The following ZNF618 variants were observed in gnomAD, a reference collection of about 807,000 sequenced individuals.
ZNF618 encodes the protein neural precursor cell expressed, developmentally down-regulated 10.
A neutral mutation model predicts 103.0 loss-of-function variants in ZNF618; 34 were observed. The observed-to-expected ratio is 0.33, with a 90% confidence interval of 0.25 to 0.44. The LOEUF is 0.44. Among genes scored for constraint, ZNF618 ranks in the 20% least tolerant of loss-of-function variants. The pLI is 1.00. For missense variants in ZNF618, 1,059 were observed against 1,295.4 expected (o/e 0.82, Z 2.80); for synonymous variants, 551 against 542.2 (o/e 1.02, Z -0.23).
chr9:114,008,378 A>G lies in ZNF618; in HGVS notation c.675A>G (p.Ala225=). 6.2e-7 allele frequency: 1 copy of G among 1,613,932 alleles called. No individual in the cohort carries two copies. Among genetic ancestry groups the G allele is most frequent in the Non-Finnish European group, 8.5e-7 (1 of 1,179,862 alleles). ...TGGAAGGGGCCCCTGAGAACCGGGC[A>G]GGTAAGTCCTTGGTGTCTGCTTGTC... is the stretch of plus-strand genomic sequence containing the variant. ...FSVEGAPENR[A]DPFDQGVVAT... Residue 225 remains alanine (A), a splice_region_variant and synonymous_variant, in exon 8 of 15, where the codon GCA becomes GCG. Transcript: ENST00000374126.
rs1846408876 is a variant in ZNF618 at position 114,055,351 on chromosome 9, G to A, written c.*5184G>A. 6.5e-6 allele frequency: 1 copy of A among 152,714 alleles called. No individual in the cohort carries two copies. Among genetic ancestry groups the A allele is most frequent in the African/African-American group, 2.4e-5 (1 of 41,458 alleles). 9.5% of individuals were successfully genotyped at this position (152,714 alleles called of 1,614,324 possible). ...GGGCTGGGCCTCGCCAGCCAGGAGA[G>A]AGCGAGGGCCGCACGGCAGGGCTGG... On this transcript the variant is annotated 3_prime_UTR_variant, in exon 15 of 15. Transcript: ENST00000374126.
chr9:113,974,606 A>C (rs10435837), intron 2 of ZNF618, among the ~76,000 whole-genome samples: 134,067 of 152,006 alleles, frequency 0.88, 59,721 homozygotes, highest in East Asian at 1. Context: ...TTTTTTTTTC[A>C]GGCCTGAGGA....
Position 114,043,879 on chromosome 9 carries a change from C to T in ZNF618, c.1247-4014C>T, listed in dbSNP as rs117354790. On this transcript the variant is annotated intron_variant, in intron 13 of 14. Coordinates refer to ENST00000374126, the MANE Select transcript of ZNF618 (RefSeq NM_001318042.2). ...AGATTTGTCTATTCATGTCCTTAGG[C>T]CACTTTTTGATGGGATTGTTTATTT... Among the ~76,000 whole-genome samples, 723 of 152,160 alleles carry T rather than the reference C, an allele frequency of 4.8e-3. 11 individuals carry two copies. The East Asian group carries it at 0.05, about 10-fold the overall frequency.
chr9:114,023,715 T>A (rs1168738283), intron 10 of ZNF618, among the ~76,000 whole-genome samples: 1 of 152,006 alleles, frequency 6.6e-6, no homozygotes, highest in Non-Finnish European at 1.5e-5. Context: ...TTTTGAAGGA[T>A]TTTTTTTCTG....
intron 1 of ZNF618, among the ~76,000 whole-genome samples, chr9:113,913,127 G>C (rs16910517): frequency 2.0e-5 from 3 of 152,130 alleles, no homozygotes; most frequent in South Asian, 2.1e-4. Flanking sequence ...CCGCTGCCAC[G>C]TGTAAGAGCT....
At chr9:114,044,209 GT>G (rs1222711982) in intron 13 of ZNF618, among the ~76,000 whole-genome samples, 1 of 152,134 alleles carries the variant, frequency 6.6e-6, no homozygotes, top group African/African-American at 2.4e-5. Flanking sequence ...TCCATCTTGA[GT>G]TGATTTTTTG....
At chr9:113,991,768 C>T (rs1840085434) in intron 3 of ZNF618, among the ~76,000 whole-genome samples, 1 of 152,190 alleles carries the variant, frequency 6.6e-6, no homozygotes, top group South Asian at 2.1e-4. Flanking sequence ...CTTGGTGTTC[C>T]TTCTAGTACT....
intron 1 of ZNF618, among the ~76,000 whole-genome samples, chr9:113,930,442 AG>A (rs1383011267): frequency 6.6e-6 from 1 of 152,168 alleles, no homozygotes; most frequent in Non-Finnish European, 1.5e-5. Context: ...TCATAGGTTT[AG>A]GGGGCGCCTA....
Position 114,007,379 on chromosome 9 carries a change from G to A in ZNF618, c.580G>A (p.Gly194Arg), listed in dbSNP as rs1841844859. Residue 194 changes from glycine (G) to arginine (R), a missense_variant, in exon 7 of 15, where the codon GGG becomes AGG. Gly to Arg is a moderately radical substitution (Grantham distance 125). This residue lies in a region of ZNF618 where 434 missense variants were observed against 476.0 expected (regional missense o/e 0.91). Transcript: ENST00000374126. ...TTTCAGGTACACATGTGATATCTGC[G>A]GGAAGAAGTACAAATACTACAGCTG... ...NNFRYTCDIC[G>R]KKYKYYSCFQ... The A allele has an allele frequency of 5.0e-6, 8 of 1,613,736 alleles. No homozygotes were observed. The highest frequency in any genetic ancestry group is 6.8e-6 in the Non-Finnish European group (8 of 1,179,848).
rs116976725 is a variant in ZNF618, at chr9:114,010,753, T to C, written c.754+2199T>C. Among the ~76,000 whole-genome samples, 1,155 of 152,282 alleles carry C rather than the reference T, an allele frequency of 7.6e-3. 9 individuals carry two copies. The highest frequency in any genetic ancestry group is 0.02 in the Middle Eastern group (6 of 294). The stretch of plus-strand genomic sequence containing the variant: ...GTTTGGTGACTATGACAGACATTCA[T>C]AGGCAGATATAGGACAGGAACAGAG... On this transcript the variant is annotated intron_variant, in intron 9 of 14. Coordinates refer to ENST00000374126, the MANE Select transcript of ZNF618 (RefSeq NM_001318042.2).
At chr9:113,922,473 GT>G (rs1403335075) in intron 1 of ZNF618, among the ~76,000 whole-genome samples, 4 of 99,890 alleles carry the variant, frequency 4.0e-5, no homozygotes, top group African/African-American at 6.6e-5. Context: ...TTTTGTTTTG[GT>G]TTGTTTTTTT....
chr9:114,044,706 A>G (rs532472735), intron 13 of ZNF618, among the ~76,000 whole-genome samples: 114 of 152,186 alleles, frequency 7.5e-4, no homozygotes, highest in African/African-American at 2.4e-3. Context: ...TGTGTCATCT[A>G]TGATTTCTTT....
In ZNF618 at chr9:114,008,480, C is replaced by A; in HGVS notation, c.680C>A (p.Pro227His). The change falls in exon 9 of 15, where the codon CCC becomes CAC. Residue 227 changes from proline to histidine, a missense_variant. Physicochemically the swap from Pro to His is moderately conservative, Grantham distance 77. Transcript: ENST00000374126. ...VEGAPENRAD[P>H]FDQGVVATDE... ...AGGGCCGTGTGTTCTCCCACAGACCCCTTCGACCAAGGTGTCGTGGCCACG... is the reference window on the plus strand; with the variant it reads ...AGGGCCGTGTGTTCTCCCACAGACCACTTCGACCAAGGTGTCGTGGCCACG... 1.2e-6 allele frequency: 2 copies of A among 1,613,918 alleles called. No individual in the cohort carries two copies. Among genetic ancestry groups the A allele is most frequent in the Non-Finnish European group, 1.7e-6 (2 of 1,179,856 alleles).
At chr9:113,924,401 T>G (rs565452318) in intron 1 of ZNF618, among the ~76,000 whole-genome samples, 9 of 41,768 alleles carry the variant, frequency 2.2e-4, no homozygotes, top group African/African-American at 6.2e-4. Context: ...AATTTGTGTC[T>G]TCTTCTTCTT....
intron 2 of ZNF618, 73 bp downstream of exon 2, chr9:113,969,233 C>G: frequency 1.3e-6 from 2 of 1,574,636 alleles, no homozygotes; most frequent in Non-Finnish European, 1.7e-6. Context: ...TTACCACTCT[C>G]TGGTCCTCAT....
intron 1 of ZNF618, among the ~76,000 whole-genome samples, chr9:113,930,405 A>G (rs1833466129): frequency 6.6e-6 from 1 of 152,206 alleles, no homozygotes; most frequent in South Asian, 2.1e-4. Context: ...AGTTGTAGAT[A>G]TGCATTGAGC....
chr9:113,984,005 C>T (rs1839217431), intron 2 of ZNF618, among the ~76,000 whole-genome samples: 1 of 152,130 alleles, frequency 6.6e-6, no homozygotes, highest in African/African-American at 2.4e-5. Flanking sequence ...TTATGGAGCA[C>T]CTAATATAGG....
At chr9:113,906,532 C>G (rs187582365) in intron 1 of ZNF618, among the ~76,000 whole-genome samples, 13 of 152,096 alleles carry the variant, frequency 8.5e-5, no homozygotes, top group Non-Finnish European at 1.8e-4. Context: ...TTCCTGACAT[C>G]TACTGAACCT....
chr9:113,901,664 C>T (rs543635908), intron 1 of ZNF618, among the ~76,000 whole-genome samples: 3 of 152,242 alleles, frequency 2.0e-5, no homozygotes, highest in East Asian at 1.9e-4. Flanking sequence ...AGGGTTATCA[C>T]GGGGTCTCGT....
Sources: gnomAD v4.1 joint callset for allele counts (sites outside exome capture counted in the v4.1 genomes callset) on GRCh38, gnomAD v4.1.1 for gene constraint, gnomAD v4.1.1 regional missense constraint, MANE v1.5 for transcripts, NCBI Gene and HGNC (gene_info 2026-07-23, HGNC 2026-07-21) for gene names.